The following MYO16 variants were observed in gnomAD, a reference collection of about 807,000 sequenced individuals.
MYO16 encodes myosin XVI.
A neutral mutation model predicts 205.3 loss-of-function variants in MYO16; 94 were observed. That is an observed-to-expected ratio of 0.46 (90% CI 0.39 to 0.54). The LOEUF (loss-of-function observed/expected upper bound fraction) is 0.54. MYO16 is among the 20% of genes least tolerant of loss of function. MYO16 has a pLI of 0.00. For synonymous variants in MYO16, 988 were observed against 954.0 expected, an observed-to-expected ratio of 1.04 and a Z score of -0.66; for missense variants, 2,315 against 2,387.5, an observed-to-expected ratio of 0.97 and a Z score of 0.63.
At chr13:109,159,875 G>A (rs1045312353) in intron 32 of MYO16, among the ~76,000 whole-genome samples, 2 of 152,258 alleles carry the variant, frequency 1.3e-5, no homozygotes, top group South Asian at 2.1e-4. Flanking sequence ...AAGGCCAGCA[G>A]GAGTCAGGGC....
rs1297712309 is a variant in MYO16, at chr13:108,789,579, T to C, written c.616+3836T>C. ...ACATAAGATGGTCGCAAGTCGTGCC[T>C]GCTGTTAGGGTTGGGAGAAAGCAAT... On this transcript the variant is annotated intron_variant, in intron 5 of 34. Coordinates refer to ENST00000457511, the MANE Select transcript of MYO16 (RefSeq NM_001198950.3). Among the ~76,000 whole-genome samples the C allele has an allele frequency of 2.2e-4, 34 of 152,222 alleles. 1 individual carries two copies.
chr13:109,160,322 G>A (rs762869285), intron 32 of MYO16, among the ~76,000 whole-genome samples: 9 of 152,084 alleles, frequency 5.9e-5, no homozygotes, highest in African/African-American at 1.7e-4. Context: ...ATTTGCTCTC[G>A]CTAGATTAAA....
chr13:109,198,665 C>T (rs1880262700), intron 34 of MYO16, among the ~76,000 whole-genome samples: 1 of 152,144 alleles, frequency 6.6e-6, no homozygotes, highest in Admixed American at 6.6e-5. Flanking sequence ...GGATTTTGTT[C>T]AAGTCAAGGA....
chr13:108,622,781 A>G (rs1378576811), intron 1 of MYO16, among the ~76,000 whole-genome samples: 4 of 152,094 alleles, frequency 2.6e-5, no homozygotes, highest in African/African-American at 9.7e-5. Context: ...CATGAATCAG[A>G]GACATGGATC....
chr13:108,607,417 G>T (rs542575177), intron 1 of MYO16, among the ~76,000 whole-genome samples: 66 of 152,104 alleles, frequency 4.3e-4, no homozygotes, highest in Non-Finnish European at 7.4e-4. Context: ...CCCCTATGCA[G>T]TTCTCATGAC....
Position 108,799,388 on chromosome 13 carries a change from A to C in MYO16, c.741+5748A>C, listed in dbSNP as rs1349829255. Among the ~76,000 whole-genome samples, 6 of 152,248 alleles carry C rather than the reference A, an allele frequency of 3.9e-5. No homozygotes were observed. In the East Asian group the frequency reaches 1.2e-3, roughly 29 times the overall value. ...GAAATACAGTCATCATAATATTAAAAGTAAATGTGTGATATATAATGCATG... is the reference window on the plus strand; with the variant it reads ...GAAATACAGTCATCATAATATTAAACGTAAATGTGTGATATATAATGCATG... On this transcript the variant is annotated intron_variant, in intron 6 of 34. Coordinates refer to ENST00000457511, the MANE Select transcript of MYO16 (RefSeq NM_001198950.3).
the MYO16 span, among the ~76,000 whole-genome samples, chr13:108,501,396 C>A: frequency 6.6e-6 from 1 of 152,144 alleles, no homozygotes; most frequent in East Asian, 1.9e-4. Flanking sequence ...CCGGGTCCCA[C>A]CTTATTCATC....
the MYO16 span, among the ~76,000 whole-genome samples, chr13:108,530,540 A>T: frequency 6.6e-6 from 1 of 152,210 alleles, no homozygotes; most frequent in Non-Finnish European, 1.5e-5. Context: ...TGTTACTAAC[A>T]TATTAATTCC....
the MYO16 span, among the ~76,000 whole-genome samples, chr13:108,505,677 T>C: frequency 6.6e-6 from 1 of 152,218 alleles, no homozygotes; most frequent in African/African-American, 2.4e-5. Context: ...TGGTTTGATG[T>C]AGTCCTATTT....
intron 1 of MYO16, among the ~76,000 whole-genome samples, chr13:108,654,987 A>T (rs979181136): frequency 2.6e-5 from 4 of 152,214 alleles, no homozygotes; most frequent in African/African-American, 9.6e-5. Flanking sequence ...AGGGAAACAG[A>T]GCATAAGAGT....
chr13:108,821,745 A>G (rs539098474), intron 8 of MYO16, among the ~76,000 whole-genome samples: 2 of 152,136 alleles, frequency 1.3e-5, no homozygotes, highest in East Asian at 3.9e-4. Flanking sequence ...AACGGAGGCA[A>G]TGAATGCACT....
intron 16 of MYO16, among the ~76,000 whole-genome samples, chr13:108,916,729 A>G (rs967120614): frequency 3.2e-4 from 48 of 152,234 alleles, no homozygotes; most frequent in Admixed American, 3.0e-3. Context: ...TGAAATGAGA[A>G]TGAGAGGAAT....
chr13:108,549,695 G>T, the MYO16 span, among the ~76,000 whole-genome samples: 5 of 151,946 alleles, frequency 3.3e-5, no homozygotes, highest in African/African-American at 1.2e-4. Context: ...ATGGGAGTGG[G>T]GAGAGTGGTC....
intron 3 of MYO16, among the ~76,000 whole-genome samples, chr13:108,714,547 G>A (rs987420308): frequency 8.6e-5 from 13 of 152,008 alleles, no homozygotes; most frequent in African/African-American, 2.9e-4. Flanking sequence ...GAAACAAGGA[G>A]CACAGGGGAC....
At chr13:108,536,797 T>C in the MYO16 span, among the ~76,000 whole-genome samples, 1 of 152,116 alleles carries the variant, frequency 6.6e-6, no homozygotes, top group Non-Finnish European at 1.5e-5. Context: ...AATGTCTTAA[T>C]ATATTATTAT....
chr13:109,153,406 T>TATAGAA (rs1877790995), intron 32 of MYO16, among the ~76,000 whole-genome samples: 1 of 152,108 alleles, frequency 6.6e-6, no homozygotes, highest in Non-Finnish European at 1.5e-5. Context: ...GATATATAGA[T>TATAGAA]ATAGAAAGGA....
the MYO16 span, among the ~76,000 whole-genome samples, chr13:108,587,204 T>C: frequency 1.3e-5 from 2 of 152,176 alleles, no homozygotes; most frequent in Non-Finnish European, 2.9e-5. Context: ...AGGAAGCAAG[T>C]GGTCAGTTAA....
chr13:108,755,629 CA>C (rs1167394297), intron 4 of MYO16, among the ~76,000 whole-genome samples: 1 of 150,604 alleles, frequency 6.6e-6, no homozygotes, highest in Non-Finnish European at 1.5e-5. Flanking sequence ...GTGTTTCGTT[CA>C]AATGTAGTGA....
chr13:109,176,868 T>C (rs1192603433), intron 33 of MYO16, among the ~76,000 whole-genome samples: 1 of 151,238 alleles, frequency 6.6e-6, no homozygotes, highest in Non-Finnish European at 1.5e-5. Flanking sequence ...CAAGCTGCCA[T>C]ATGTCCCTGT....
Sources: gnomAD v4.1 joint callset for allele counts (sites outside exome capture counted in the v4.1 genomes callset) on GRCh38, gnomAD v4.1.1 for gene constraint, MANE v1.5 for transcripts, NCBI Gene and HGNC (gene_info 2026-07-23, HGNC 2026-07-21) for gene names.